The following FBXL7 variants were observed in gnomAD, a reference collection of about 807,000 sequenced individuals.
FBXL7 encodes F-box and leucine rich repeat protein 7.
In FBXL7, 12 loss-of-function variants were observed where a neutral mutation model predicts 38.3. The ratio of observed to expected loss-of-function variants is 0.31; its 90% CI spans 0.20 to 0.51. The LOEUF (loss-of-function observed/expected upper bound fraction) is 0.51. Among genes scored for constraint, FBXL7 ranks in the 20% least tolerant of loss-of-function variants. FBXL7 has a pLI of 0.98. For synonymous variants in FBXL7, 297 were observed against 300.9 expected (o/e 0.99, Z 0.13); for missense variants, 567 against 676.4 (o/e 0.84, Z 1.79).
chr5:15,681,974 T>C (rs1372720742), intron 2 of FBXL7, among the ~76,000 whole-genome samples: 1 of 152,234 alleles, frequency 6.6e-6, no homozygotes. Context: ...ACACAGCGTG[T>C]CATTCACCAG....
At chr5:15,780,570 T>C (rs1221296405) in intron 2 of FBXL7, among the ~76,000 whole-genome samples, 1 of 152,146 alleles carries the variant, frequency 6.6e-6, no homozygotes, top group Non-Finnish European at 1.5e-5. Context: ...CCATATTGTT[T>C]AGTCAACAGG....
intron 2 of FBXL7, among the ~76,000 whole-genome samples, chr5:15,698,703 C>T (rs1743422938): frequency 6.6e-6 from 1 of 152,176 alleles, no homozygotes; most frequent in South Asian, 2.1e-4. Flanking sequence ...CAGTGATTTA[C>T]AATTAGTATT....
chr5:15,660,666 A>G (rs1742034035), intron 2 of FBXL7, among the ~76,000 whole-genome samples: 1 of 152,028 alleles, frequency 6.6e-6, no homozygotes, highest in African/African-American at 2.4e-5. Flanking sequence ...CCCATTGTAG[A>G]TTTTCTAAAG....
intron 2 of FBXL7, among the ~76,000 whole-genome samples, chr5:15,884,253 T>TTTCC (rs1740582804): frequency 6.6e-6 from 1 of 150,748 alleles, no homozygotes; most frequent in Non-Finnish European, 1.5e-5. Flanking sequence ...GGGAATCTTC[T>TTTCC]TTCTTTCTTT....
chr5:15,652,962 G>A (rs973521122), intron 2 of FBXL7, among the ~76,000 whole-genome samples: 8 of 152,192 alleles, frequency 5.3e-5, no homozygotes, highest in Admixed American at 1.3e-4. Context: ...CACATTGTAT[G>A]CCTGTTTCAA....
At chr5:15,504,605 G>A (rs936025499) in intron 1 of FBXL7, among the ~76,000 whole-genome samples, 3 of 152,230 alleles carry the variant, frequency 2.0e-5, no homozygotes, top group Admixed American at 6.5e-5. Context: ...AGAGAGACTT[G>A]GATTTTACTC....
At chr5:15,643,879 G>T (rs1741445133) in intron 2 of FBXL7, among the ~76,000 whole-genome samples, 2 of 152,170 alleles carry the variant, frequency 1.3e-5, no homozygotes, top group African/African-American at 4.8e-5. Context: ...GAAACAGGGA[G>T]AAATTGTGTC....
At chr5:15,824,296 A>C (rs79892351) in intron 2 of FBXL7, among the ~76,000 whole-genome samples, 1 of 26,256 alleles carries the variant, frequency 3.8e-5, no homozygotes, top group Non-Finnish European at 1.5e-4. Context: ...ACTCCGTCTC[A>C]AAAAAAAAAA....
In FBXL7 at chr5:15,800,822, C is replaced by T. The variant is rs368775935; in HGVS notation, c.128-127068C>T. The stretch of plus-strand genomic sequence containing the variant: ...TAGTTACCTCGGAAGTTCCTGCATC[C>T]AAACCTGAAGGTCAGACAGACCTTA... On this transcript the variant is annotated intron_variant, in intron 2 of 3. Transcript: ENST00000504595. Among the ~76,000 whole-genome samples, 20 of 152,238 alleles carry T rather than the reference C, an allele frequency of 1.3e-4. No individual in the cohort carries two copies. In the East Asian group the frequency reaches 1.5e-3, roughly 12 times the overall value.
rs376925318 is a variant in FBXL7 at position 15,826,810 on chromosome 5, A to C, written c.128-101080A>C. On this transcript the variant is annotated intron_variant, in intron 2 of 3. Transcript: ENST00000504595. The stretch of plus-strand genomic sequence containing the variant: ...CTAGGCTATTTCAGTACTATCAAAA[A>C]TAATGTTAAAATGAGGAGAGTCTTG... Among the ~76,000 whole-genome samples the C allele has an allele frequency of 6.6e-5, 10 of 152,324 alleles. 1 individual carries two copies. The South Asian group carries it at 2.1e-3, about 32-fold the overall frequency.
chr5:15,861,255 G>A (rs1739461151), intron 2 of FBXL7, among the ~76,000 whole-genome samples: 1 of 152,190 alleles, frequency 6.6e-6, no homozygotes, highest in Admixed American at 6.5e-5. Context: ...GACCACATAT[G>A]CAAGGATATT....
chr5:15,505,848 G>A (rs1011361973), intron 1 of FBXL7, among the ~76,000 whole-genome samples: 1 of 152,082 alleles, frequency 6.6e-6, no homozygotes, highest in African/African-American at 2.4e-5. Flanking sequence ...CACATCCGCT[G>A]GGGATGAATT....
chr5:15,904,064 G>C (rs1741297648), intron 2 of FBXL7, among the ~76,000 whole-genome samples: 1 of 152,130 alleles, frequency 6.6e-6, no homozygotes, highest in Non-Finnish European at 1.5e-5. Flanking sequence ...TGAGGCATAA[G>C]ATAAGAGTAT....
At chr5:15,932,848 T>C (rs980742110) in intron 3 of FBXL7, among the ~76,000 whole-genome samples, 3 of 152,204 alleles carry the variant, frequency 2.0e-5, no homozygotes, top group African/African-American at 7.2e-5. Flanking sequence ...GGGTGCCCGG[T>C]GTCTGAATGT....
intron 1 of FBXL7, among the ~76,000 whole-genome samples, chr5:15,603,690 G>C (rs1739887451): frequency 6.6e-6 from 1 of 152,220 alleles, no homozygotes; most frequent in Non-Finnish European, 1.5e-5. Flanking sequence ...AGATGGTTTG[G>C]CGTAAAGAAA....
intron 2 of FBXL7, among the ~76,000 whole-genome samples, chr5:15,724,743 A>G (rs958934879): frequency 6.6e-5 from 10 of 152,174 alleles, no homozygotes; most frequent in Admixed American, 6.5e-4. Context: ...TTTAGATGCT[A>G]TTTACCGTAA....
At chr5:15,556,025 A>T (rs1453610667) in intron 1 of FBXL7, among the ~76,000 whole-genome samples, 1 of 138,538 alleles carries the variant, frequency 7.2e-6, no homozygotes, top group Admixed American at 7.3e-5. Context: ...ATCATCTATC[A>T]GTCTATCATC....
At chr5:15,640,357 C>T (rs1017717280) in intron 2 of FBXL7, among the ~76,000 whole-genome samples, 2 of 152,080 alleles carry the variant, frequency 1.3e-5, no homozygotes, top group African/African-American at 2.4e-5. Flanking sequence ...ATGGCATTCT[C>T]CCTGCATGTC....
At chr5:15,836,809 C>T (rs1738604705) in intron 2 of FBXL7, among the ~76,000 whole-genome samples, 1 of 152,130 alleles carries the variant, frequency 6.6e-6, no homozygotes, top group South Asian at 2.1e-4. Context: ...CAACAAAATG[C>T]TGTGGCCATC....
Sources: gnomAD v4.1 joint callset for allele counts (sites outside exome capture counted in the v4.1 genomes callset) on GRCh38, gnomAD v4.1.1 for gene constraint, MANE v1.5 for transcripts, NCBI Gene and HGNC (gene_info 2026-07-23, HGNC 2026-07-21) for gene names.